CAMTA1: variants seen among roughly 807,000 people sequenced by gnomAD.
CAMTA1 encodes the protein calmodulin-binding transcription activator 1.
Under a neutral mutation model 170.9 loss-of-function variants are expected in CAMTA1, and 27 were observed. That is an observed-to-expected ratio of 0.16 (90% CI 0.12 to 0.22). The LOEUF (loss-of-function observed/expected upper bound fraction) is 0.22. Among genes scored for constraint, CAMTA1 ranks in the 10% least tolerant of loss-of-function variants. The pLI is 1.00. For synonymous variants in CAMTA1, 833 were observed against 891.5 expected (o/e 0.93, Z 1.17); for missense variants, 1,619 against 2,217.2 (o/e 0.73, Z 5.42).
chr1:6,817,213 T>TA (rs2148418267), intron 1 of CAMTA1, among the ~76,000 whole-genome samples: 1 of 152,362 alleles, frequency 6.6e-6, no homozygotes, highest in East Asian at 1.9e-4. Context: ...AAGTGATTTT[T>TA]AAAAACTTTT....
intron 5 of CAMTA1, among the ~76,000 whole-genome samples, chr1:7,406,689 C>G (rs1294837756): frequency 2.0e-5 from 3 of 152,066 alleles, no homozygotes; most frequent in Non-Finnish European, 2.9e-5. Context: ...CATGTATACA[C>G]AAGCAGGGCT....
rs1575621581 is a variant in CAMTA1, at chr1:7,496,858, T to C, written c.510+28957T>C. Among the ~76,000 whole-genome samples the C allele has an allele frequency of 4.6e-5, 7 of 151,256 alleles. No homozygotes were observed. The South Asian group carries it at 1.5e-3, about 32-fold the overall frequency. On this transcript the variant is annotated intron_variant, in intron 6 of 22. Transcript: ENST00000303635. ...CCCCAACACCACCTCCCAGGGCTGC[T>C]AGTCACTGCACGGTCAGCAAGCGCA...
chr1:7,222,159 G>A (rs1205195453), intron 4 of CAMTA1, among the ~76,000 whole-genome samples: 2 of 152,172 alleles, frequency 1.3e-5, no homozygotes, highest in East Asian at 3.8e-4. Flanking sequence ...CCAGCTAAAT[G>A]AAACACTTTG....
Position 6,965,156 on chromosome 1 carries a change from G to A in CAMTA1, c.235-126148G>A, listed in dbSNP as rs963612053. Among the ~76,000 whole-genome samples the A allele has an allele frequency of 1.1e-4, 17 of 152,220 alleles. No homozygotes were observed. Among genetic ancestry groups the A allele is most frequent in the Non-Finnish European group, 2.4e-4 (16 of 68,030 alleles). On this transcript the variant is annotated intron_variant, in intron 3 of 22. Transcript: ENST00000303635. This position sits in a 1 kb window ranked among gnomAD's most constrained non-coding sequence, Gnocchi z 4.1. The stretch of plus-strand genomic sequence containing the variant: ...TGGTGAGATGTATTAATATGTGAAA[G>A]CCACTTCGGGAAAAGTAGTGAGTGT...
chr1:6,895,774 T>C (rs541376520), intron 3 of CAMTA1, among the ~76,000 whole-genome samples: 1 of 152,308 alleles, frequency 6.6e-6, no homozygotes, highest in South Asian at 2.1e-4. Flanking sequence ...TGTTATATCC[T>C]CAGAGAGACC....
At chr1:7,666,302 G>A (rs2096001358) in intron 9 of CAMTA1, among the ~76,000 whole-genome samples, 1 of 152,134 alleles carries the variant, frequency 6.6e-6, no homozygotes, top group South Asian at 2.1e-4. Flanking sequence ...AGCTTCTGAA[G>A]AGTCATCCTG....
At position 6,869,776 on chromosome 1, in the gene CAMTA1, C is replaced by T. The variant is rs573730860; in HGVS notation, c.234+44566C>T. On this transcript the variant is annotated intron_variant, in intron 3 of 22. Transcript: ENST00000303635. ...TAGGTGAGGCGATTGATTTCATTCCCACGTGGGAATTTGGTTGGTTGTAAT... is the reference window on the plus strand; with the variant it reads ...TAGGTGAGGCGATTGATTTCATTCCTACGTGGGAATTTGGTTGGTTGTAAT... Among the ~76,000 whole-genome samples, 4 of 152,234 alleles carry T rather than the reference C, an allele frequency of 2.6e-5. No individual in the cohort carries two copies. In the South Asian group the frequency reaches 8.3e-4, roughly 32 times the overall value.
intron 3 of CAMTA1, among the ~76,000 whole-genome samples, chr1:6,860,904 T>G (rs1046404827): frequency 3.4e-5 from 5 of 149,226 alleles, no homozygotes; most frequent in African/African-American, 9.9e-5. Flanking sequence ...AGAGTGAGAC[T>G]CCATCTCAAA....
At chr1:7,018,267 T>G (rs998493649) in intron 3 of CAMTA1, among the ~76,000 whole-genome samples, 1 of 151,936 alleles carries the variant, frequency 6.6e-6, no homozygotes, top group Non-Finnish European at 1.5e-5. Context: ...AACAGGCATT[T>G]TTATGGTCTC....
chr1:7,338,468 G>A (rs115193371), intron 5 of CAMTA1, among the ~76,000 whole-genome samples: 2,401 of 152,216 alleles, frequency 0.016, 64 homozygotes, highest in African/African-American at 0.055. Context: ...CACCATGTAC[G>A]CAGGAATGGA....
chr1:7,122,306 G>C, intron 4 of CAMTA1, among the ~76,000 whole-genome samples: 1 of 152,008 alleles, frequency 6.6e-6, no homozygotes, highest in East Asian at 1.9e-4. Context: ...GCACAGCCAC[G>C]TGCACCCCAG....
intron 3 of CAMTA1, among the ~76,000 whole-genome samples, chr1:6,936,998 C>G (rs1685428177): frequency 6.6e-6 from 1 of 151,378 alleles, no homozygotes; most frequent in Admixed American, 6.6e-5. Flanking sequence ...AAAAAAAAGA[C>G]AAAAAAAACA....
chr1:7,598,607 G>A (rs572502551), intron 6 of CAMTA1, among the ~76,000 whole-genome samples: 11 of 152,218 alleles, frequency 7.2e-5, no homozygotes, highest in Admixed American at 4.6e-4. Flanking sequence ...GTTGTTTCCT[G>A]ACTTTTTAAT....
intron 3 of CAMTA1, among the ~76,000 whole-genome samples, chr1:6,955,172 G>T (rs1171180583): frequency 6.6e-6 from 1 of 152,006 alleles, no homozygotes; most frequent in Non-Finnish European, 1.5e-5. Context: ...CTGGGGTGGG[G>T]GGTTGGGGGA....
At position 7,732,702 on chromosome 1, in the gene CAMTA1, C is replaced by T; in HGVS notation, c.3066+103C>T. 6.9e-7 allele frequency: 1 copy of T among 1,440,588 alleles called. No homozygotes were observed. Among genetic ancestry groups the T allele is most frequent in the Non-Finnish European group, 9.2e-7 (1 of 1,087,312 alleles). The allele number at this position is 1,440,588 out of a possible 1,614,324, so 89.2% of individuals were successfully genotyped here. A position where few individuals can be genotyped will look rare whatever the true frequency, so the allele number is the denominator to read the frequency against. ...CCTCTTCTCTGCTGCTGATGCGGTCCCTGTATTCAGGCAGAAGGCCTGAGG... is the reference window on the plus strand; with the variant it reads ...CCTCTTCTCTGCTGCTGATGCGGTCTCTGTATTCAGGCAGAAGGCCTGAGG... On this transcript the variant is annotated intron_variant, in intron 12 of 22. Transcript: ENST00000303635. This position sits in a 1 kb window ranked among gnomAD's most constrained non-coding sequence, Gnocchi z 4.1.
intron 6 of CAMTA1, among the ~76,000 whole-genome samples, chr1:7,586,897 G>A (rs1478330882): frequency 1.3e-5 from 2 of 152,000 alleles, no homozygotes; most frequent in African/African-American, 4.8e-5. Context: ...AGTGTGGATG[G>A]GGACGTCCCC....
chr1:7,664,447 A>C lies in CAMTA1; in HGVS notation c.1900A>C (p.Ser634Arg). 6.2e-7 allele frequency: 1 copy of C among 1,613,434 alleles called. No individual in the cohort carries two copies. The highest frequency in any genetic ancestry group is 8.5e-7 in the Non-Finnish European group (1 of 1,180,012). ...PLPVEQNTHS[S>R]LSDSGGTFVM... Reference sequence around the variant, plus strand: ...CCCCGTCGAGCAGAACACCCACAGCAGCCTGAGTGACTCTGGGGGCACCTT... The same window carrying C: ...CCCCGTCGAGCAGAACACCCACAGCCGCCTGAGTGACTCTGGGGGCACCTT... The change falls in exon 9 of 23, where the codon AGC (serine) becomes CGC (arginine). Residue 634 changes from serine (S) to arginine (R), a missense_variant. By Grantham distance (110) the Ser-to-Arg change is moderately radical. Around this residue, in one of 8 missense-constraint regions of CAMTA1, gnomAD observed 731 missense variants for 907.6 expected, o/e 0.81. Transcript: ENST00000303635.
chr1:7,466,883 G>T (rs972887234), intron 5 of CAMTA1, among the ~76,000 whole-genome samples: 2 of 152,142 alleles, frequency 1.3e-5, no homozygotes, highest in African/African-American at 4.8e-5. Flanking sequence ...CCTGCTCAAG[G>T]CTGGGCCCCT....
intron 3 of CAMTA1, among the ~76,000 whole-genome samples, chr1:7,087,834 T>C (rs575203401): frequency 4.6e-5 from 7 of 152,266 alleles, no homozygotes; most frequent in Non-Finnish European, 1.0e-4. Context: ...GGTGAAGTCC[T>C]TCTCCCCACA....
Sources: allele counts gnomAD v4.1 joint callset (sites outside exome capture counted in the v4.1 genomes callset), GRCh38; gene constraint gnomAD v4.1.1; regional missense constraint gnomAD v4.1.1; non-coding constraint Gnocchi (gnomAD v3.1); transcripts MANE v1.5; gene names NCBI Gene and HGNC (gene_info 2026-07-23, HGNC 2026-07-21).